The following NTAQ1 variants were observed in gnomAD, a reference collection of about 807,000 sequenced individuals.
NTAQ1 encodes the protein protein N-terminal glutamine amidohydrolase.
In NTAQ1, 21 loss-of-function variants were observed where a neutral mutation model predicts 28.2. The ratio of observed to expected loss-of-function variants is 0.74; its 90% CI spans 0.53 to 1.07. The LOEUF (loss-of-function observed/expected upper bound fraction) is 1.07, where lower values mean the gene tolerates loss of function less well. NTAQ1 is among the 50% of genes least tolerant of loss of function. The probability of loss-of-function intolerance (pLI) is 0.00; values close to 1 mark genes in which losing one functional copy is unlikely to be tolerated. For synonymous variants in NTAQ1, 105 were observed against 90.0 expected (o/e 1.17, Z -0.94); for missense variants, 264 against 256.6 (o/e 1.03, Z -0.20).
chr8:123,421,591 C>T (rs1482851048), intron 1 of NTAQ1, among the ~76,000 whole-genome samples: 6 of 150,568 alleles, frequency 4.0e-5, no homozygotes, highest in African/African-American at 1.2e-4. Context: ...TCACTGCAAC[C>T]TCTGCCTCCC....
intron 1 of NTAQ1, among the ~76,000 whole-genome samples, chr8:123,423,317 T>C (rs28571019): frequency 5.2e-4 from 54 of 104,610 alleles, no homozygotes; most frequent in Admixed American, 2.7e-3. Context: ...CTTCTCTTCT[T>C]TTTTCTTTCT....
chr8:123,442,688 A>C (rs772671144), downstream of NTAQ1, among the ~76,000 whole-genome samples: 6 of 151,616 alleles, frequency 4.0e-5, no homozygotes, highest in Admixed American at 1.3e-4. Context: ...ATTCATTTAG[A>C]GACAGAGTCT....
At chr8:123,467,366 A>G (rs562482694) in exon 7 of NTAQ1, 1 of 152,298 alleles carries the variant, frequency 6.6e-6, no homozygotes, top group Admixed American at 6.5e-5. Context: ...GTTTGTGCCA[A>G]CTTACATTCC....
At chr8:123,458,612 T>C (rs1310207857) in intron 6 of NTAQ1, among the ~76,000 whole-genome samples, 2 of 151,596 alleles carry the variant, frequency 1.3e-5, no homozygotes, top group African/African-American at 2.4e-5. Context: ...GGAAAAATAG[T>C]TGGTACTTTC....
Position 123,441,592 on chromosome 8 carries a change from G to C in NTAQ1, c.*177G>C. ...ATAAATGAACAACATAAAAACTTTT[G>C]TTTTGACATGTCAAATTGAAACTTG... On this transcript the variant is annotated 3_prime_UTR_variant, in exon 6 of 6. Coordinates refer to ENST00000287387, the MANE Select transcript of NTAQ1 (RefSeq NM_018024.3). The C allele has an allele frequency of 1.6e-6, 1 of 623,130 alleles. No homozygotes were observed. The highest frequency in any genetic ancestry group is 2.8e-6 in the Non-Finnish European group (1 of 356,492). The allele number at this position is 623,130 out of a possible 1,614,324, so 38.6% of individuals were successfully genotyped here. A position where few individuals can be genotyped will look rare whatever the true frequency, so the allele number is the denominator to read the frequency against.
At chr8:123,421,186 T>G (rs1302303598) in intron 1 of NTAQ1, among the ~76,000 whole-genome samples, 4 of 151,644 alleles carry the variant, frequency 2.6e-5, no homozygotes, top group Admixed American at 2.0e-4. Context: ...TGTCAATCAA[T>G]TCTCCCACTT....
downstream of NTAQ1, among the ~76,000 whole-genome samples, chr8:123,473,366 G>T (rs548562066): frequency 6.6e-6 from 1 of 151,444 alleles, no homozygotes; most frequent in Admixed American, 6.6e-5. Context: ...CGCGATCTTG[G>T]CTCACTGCAA....
downstream of NTAQ1, among the ~76,000 whole-genome samples, chr8:123,446,450 T>C (rs953802816): frequency 2.1e-4 from 32 of 152,192 alleles, no homozygotes; most frequent in African/African-American, 7.5e-4. Context: ...CCACAGACAA[T>C]ATGTAAATGA....
downstream of NTAQ1, among the ~76,000 whole-genome samples, chr8:123,449,974 T>TATATATATAA (rs371673968): frequency 1.8e-3 from 100 of 56,098 alleles, 23 homozygotes; most frequent in Middle Eastern, 0.033. Flanking sequence ...TATATATATA[T>TATATATATAA]GCTGGATAAA....
At chr8:123,452,637 C>T (rs1455105289), downstream of NTAQ1, among the ~76,000 whole-genome samples, 1 of 151,892 alleles carries the variant, frequency 6.6e-6, no homozygotes, top group East Asian at 1.9e-4. Context: ...CACGGTGGCT[C>T]ATGCCTGTAA....
At chr8:123,451,656 TCTCCCTCCATTGGACTGTGAGTC>T (rs1815497295), downstream of NTAQ1, among the ~76,000 whole-genome samples, 2 of 152,130 alleles carry the variant, frequency 1.3e-5, no homozygotes, top group Admixed American at 1.3e-4. Flanking sequence ...CTGTTTTCTA[TCTCCCTCCATTGGACTGTGAGTC>T]CTCCCTGCCT....
chr8:123,427,679 C>T (rs1364616153), intron 1 of NTAQ1, among the ~76,000 whole-genome samples: 2 of 152,104 alleles, frequency 1.3e-5, no homozygotes, highest in Non-Finnish European at 2.9e-5. Flanking sequence ...TTATAAAATG[C>T]CTCCATGTAC....
At chr8:123,470,950 G>A (rs1179340288), downstream of NTAQ1, among the ~76,000 whole-genome samples, 1 of 149,666 alleles carries the variant, frequency 6.7e-6, no homozygotes, top group African/African-American at 2.5e-5. Flanking sequence ...AGACAGGATA[G>A]CACGCTGTTG....
At chr8:123,447,335 T>C (rs987917042) in intron 6 of NTAQ1, among the ~76,000 whole-genome samples, 2 of 137,392 alleles carry the variant, frequency 1.5e-5, no homozygotes, top group Non-Finnish European at 3.2e-5. Flanking sequence ...AATTAATATA[T>C]GAACGTGTTC....
intron 3 of NTAQ1, among the ~76,000 whole-genome samples, chr8:123,433,613 C>G (rs1449501197): frequency 1.3e-5 from 2 of 151,924 alleles, no homozygotes; most frequent in Non-Finnish European, 2.9e-5. Context: ...ATGCCCGGCT[C>G]GTTGTTGTAT....
intron 6 of NTAQ1, among the ~76,000 whole-genome samples, chr8:123,454,377 G>GTTTT (rs573741229): frequency 3.0e-3 from 462 of 151,714 alleles, no homozygotes; most frequent in Middle Eastern, 0.014. Flanking sequence ...GTTTTGTTTT[G>GTTTT]TTTTTTTTGA....
At chr8:123,425,217 G>A (rs139653874) in intron 1 of NTAQ1, among the ~76,000 whole-genome samples, 203 of 151,852 alleles carry the variant, frequency 1.3e-3, no homozygotes, top group African/African-American at 3.1e-3. Context: ...TCAGCCTCCC[G>A]AGTAGCTGGG....
chr8:123,437,711 A>AC (rs1475009978), intron 5 of NTAQ1, among the ~76,000 whole-genome samples: 1 of 82,034 alleles, frequency 1.2e-5, no homozygotes, highest in Non-Finnish European at 2.5e-5. Flanking sequence ...TCAAAAAAAA[A>AC]AAAAAACAAA....
downstream of NTAQ1, among the ~76,000 whole-genome samples, chr8:123,445,078 C>T (rs1815218769): frequency 6.6e-6 from 1 of 151,852 alleles, no homozygotes; most frequent in Admixed American, 6.6e-5. Flanking sequence ...TAGATGGTAC[C>T]ATGTACATTG....
Sources: gnomAD v4.1 joint callset for allele counts (sites outside exome capture counted in the v4.1 genomes callset) on GRCh38, gnomAD v4.1.1 for gene constraint, MANE v1.5 for transcripts, NCBI Gene and HGNC (gene_info 2026-07-23, HGNC 2026-07-21) for gene names.